Variants in ZMYND8 observed in about 807,000 individuals in gnomAD.
The protein encoded by ZMYND8 is MYND-type zinc finger-containing chromatin reader ZMYND8.
Under a neutral mutation model 140.8 loss-of-function variants are expected in ZMYND8, and 37 were observed. The ratio of observed to expected loss-of-function variants is 0.26; its 90% CI spans 0.20 to 0.35. The LOEUF is 0.35. ZMYND8 is among the 10% of genes least tolerant of loss of function. The pLI is 1.00. For missense variants in ZMYND8, 1,068 were observed against 1,570.0 expected, an observed-to-expected ratio of 0.68 and a Z score of 5.40; for synonymous variants, 592 against 597.1, an observed-to-expected ratio of 0.99 and a Z score of 0.12.
At chr20:47,267,865 C>T (rs1015343863) in intron 11 of ZMYND8, among the ~76,000 whole-genome samples, 3 of 152,214 alleles carry the variant, frequency 2.0e-5, no homozygotes, top group Non-Finnish European at 2.9e-5. Flanking sequence ...TCACGCCCAC[C>T]CTAGATCACA....
At chr20:47,324,477 C>A (rs2080248057) in intron 2 of ZMYND8, among the ~76,000 whole-genome samples, 1 of 152,126 alleles carries the variant, frequency 6.6e-6, no homozygotes, top group Non-Finnish European at 1.5e-5. Flanking sequence ...CGAGATCGAG[C>A]CACTGCACTC....
At chr20:47,308,740 G>C (rs111372895) in intron 3 of ZMYND8, among the ~76,000 whole-genome samples, 3 of 152,292 alleles carry the variant, frequency 2.0e-5, no homozygotes, top group African/African-American at 7.2e-5. Context: ...CACAGCCACG[G>C]AGCAAAAGCA....
intron 14 of ZMYND8, among the ~76,000 whole-genome samples, chr20:47,240,065 C>T (rs1038240137): frequency 6.6e-6 from 1 of 151,844 alleles, no homozygotes; most frequent in African/African-American, 2.4e-5. Flanking sequence ...GGGGAAACCC[C>T]GTCTCTATTA....
intron 16 of ZMYND8, among the ~76,000 whole-genome samples, chr20:47,232,509 G>A (rs946616505): frequency 1.3e-5 from 2 of 151,994 alleles, no homozygotes. Flanking sequence ...GGGCACCAGG[G>A]TTAGACCCCA....
intron 1 of ZMYND8, chr20:47,356,321 G>A (rs113644836): frequency 1.1e-4 from 152 of 1,371,512 alleles, no homozygotes; most frequent in Non-Finnish European, 1.4e-4. Flanking sequence ...GAAGAGAGAG[G>A]GAAGAGGGAA....
In ZMYND8 at chr20:47,310,183, G is replaced by A; in HGVS notation, c.107C>T (p.Thr36Ile). The A allele has an allele frequency of 6.2e-7, 1 of 1,610,066 alleles. No homozygotes were observed. The change falls in exon 3 of 23, where the codon ACA becomes ATA. Residue 36 changes from threonine (T) to isoleucine (I), a missense_variant. Physicochemically the swap from Thr to Ile is moderately conservative, Grantham distance 89. Around this residue, in one of 10 missense-constraint regions of ZMYND8, gnomAD observed 77 missense variants for 85.1 expected, o/e 0.91. Coordinates refer to ENST00000471951, the MANE Select transcript of ZMYND8 (RefSeq NM_001281775.3). The part of the protein sequence containing the change: ...RSKDPGSAER[T>I]AQKRKFPSPP... ...GCTGGGGAACTTTCTTTTCTGGGCTGTTCTCTCTGCAGAGCCAGGATCTGA... is the reference window on the plus strand; with the variant it reads ...GCTGGGGAACTTTCTTTTCTGGGCTATTCTCTCTGCAGAGCCAGGATCTGA...
At chr20:47,292,348 C>T (rs1275933291) in intron 5 of ZMYND8, among the ~76,000 whole-genome samples, 3 of 151,864 alleles carry the variant, frequency 2.0e-5, no homozygotes, top group Non-Finnish European at 1.5e-5. Context: ...TAGTCATTAG[C>T]ACATATAATT....
intron 2 of ZMYND8, among the ~76,000 whole-genome samples, chr20:47,312,411 AG>A (rs756773553): frequency 2.0e-5 from 3 of 152,190 alleles, no homozygotes; most frequent in Non-Finnish European, 4.4e-5. Flanking sequence ...GGCTGCGTGG[AG>A]ACCCAGTCAT....
intron 10 of ZMYND8, among the ~76,000 whole-genome samples, chr20:47,278,327 G>A (rs1475616724): frequency 2.6e-5 from 4 of 152,102 alleles, no homozygotes; most frequent in Non-Finnish European, 5.9e-5. Flanking sequence ...ACTGAAGCCC[G>A]GTAGAAAGCA....
intron 3 of ZMYND8, among the ~76,000 whole-genome samples, chr20:47,304,700 G>A (rs2078344256): frequency 6.6e-6 from 1 of 152,228 alleles, no homozygotes; most frequent in African/African-American, 2.4e-5. Context: ...ATACTGTGAA[G>A]TATGTAAGAA....
intron 8 of ZMYND8, among the ~76,000 whole-genome samples, chr20:47,286,191 T>C (rs955790293): frequency 4.0e-5 from 6 of 151,448 alleles, no homozygotes; most frequent in Non-Finnish European, 8.8e-5. Flanking sequence ...TTTTTTTTTT[T>C]CTCGGAGACA....
At position 47,246,092 on chromosome 20, in the gene ZMYND8, C is replaced by A. The variant is rs778689531; in HGVS notation, c.2200G>T (p.Val734Phe). 1 of 1,614,068 alleles carries A rather than the reference C, an allele frequency of 6.2e-7. No homozygotes were observed. ...GAATGGTCTTCTCCTAAATCTATGA[C>A]AAGTTCGCTCTCTGAATCAGAGTCC... ...GLDSDSESEL[V>F]IDLGEDHSGR... The change falls in exon 14 of 23, where the codon GTC (valine) becomes TTC (phenylalanine). Residue 734 changes from valine (V) to phenylalanine (F), a missense_variant. Val to Phe is a conservative substitution (Grantham distance 50, BLOSUM62 -1). Transcript: ENST00000471951.
intron 2 of ZMYND8, among the ~76,000 whole-genome samples, chr20:47,326,487 G>C (rs1346512885): frequency 6.6e-6 from 1 of 152,090 alleles, no homozygotes; most frequent in African/African-American, 2.4e-5. Context: ...ACTTTCTCCA[G>C]GGAAAACATA....
chr20:47,298,499 A>G lies in ZMYND8; in HGVS notation c.453+230T>C. On this transcript the variant is annotated intron_variant, in intron 4 of 22. Coordinates refer to ENST00000471951, the MANE Select transcript of ZMYND8 (RefSeq NM_001281775.3). This position sits in a 1 kb window ranked among gnomAD's most constrained non-coding sequence, Gnocchi z 5.0. ...CTACAGATCTCCAAGGAATCCAAGG[A>G]CTCATGAGAAATCAGAAATAATATT... 1.0e-6 allele frequency: 1 copy of G among 985,412 alleles called. No homozygotes were observed. The highest frequency in any genetic ancestry group is 1.2e-6 in the Non-Finnish European group (1 of 829,936). The allele number at this position is 985,412 out of a possible 1,614,324, so 61.0% of individuals were successfully genotyped here.
chr20:47,326,171 G>GCAGC (rs1473922941), intron 2 of ZMYND8, among the ~76,000 whole-genome samples: 3 of 152,184 alleles, frequency 2.0e-5, no homozygotes, highest in Non-Finnish European at 4.4e-5. Context: ...TGTTGGCCAG[G>GCAGC]CTGGTCTTGA....
intron 16 of ZMYND8, among the ~76,000 whole-genome samples, chr20:47,231,317 T>C (rs529241107): frequency 3.9e-4 from 60 of 152,316 alleles, no homozygotes; most frequent in Admixed American, 1.4e-3. Flanking sequence ...GCTTTCTAGA[T>C]GCCCCAATTC....
chr20:47,209,227 A>G lies in ZMYND8; in HGVS notation c.*1534T>C, dbSNP rs1174041770. 6.6e-6 allele frequency: 1 copy of G among 151,926 alleles called. No homozygotes were observed. Among genetic ancestry groups the G allele is most frequent in the Non-Finnish European group, 1.5e-5 (1 of 67,990 alleles). 9.4% of individuals were successfully genotyped at this position (151,926 alleles called of 1,614,324 possible). On this transcript the variant is annotated 3_prime_UTR_variant, in exon 23 of 23. Transcript: ENST00000471951. ...AGGACGACCACGGCATTTTTCCAAA[A>G]CAGTTTAATTAAAAAAAGGTAAAGA...
chr20:47,247,571 T>C (rs1028330546), intron 13 of ZMYND8, among the ~76,000 whole-genome samples: 1 of 152,178 alleles, frequency 6.6e-6, no homozygotes, highest in African/African-American at 2.4e-5. Context: ...CCCCCAACCA[T>C]ATGTTATGCC....
At chr20:47,249,617 T>C (rs923270695) in intron 12 of ZMYND8, among the ~76,000 whole-genome samples, 178 bp from the exon 13 acceptor site, 3 of 151,992 alleles carry the variant, frequency 2.0e-5, no homozygotes, top group Non-Finnish European at 4.4e-5. Flanking sequence ...GACATGAAGA[T>C]AATGGCCCAC....
Sources: allele counts gnomAD v4.1 joint callset (sites outside exome capture counted in the v4.1 genomes callset), GRCh38; gene constraint gnomAD v4.1.1; regional missense constraint gnomAD v4.1.1; non-coding constraint Gnocchi (gnomAD v3.1); transcripts MANE v1.5; gene names NCBI Gene and HGNC (gene_info 2026-07-23, HGNC 2026-07-21).